Variants in ARFIP1 observed in about 807,000 individuals in gnomAD.
The protein encoded by ARFIP1 is ARF interacting protein 1.
Under a neutral mutation model 42.5 loss-of-function variants are expected in ARFIP1, and 24 were observed. The observed-to-expected ratio is 0.57, with a 90% CI of 0.41 to 0.80. The LOEUF (loss-of-function observed/expected upper bound fraction) is 0.80, where lower values mean the gene tolerates loss of function less well. Among genes scored for constraint, ARFIP1 ranks in the 30% least tolerant of loss-of-function variants. The pLI, the probability that ARFIP1 is intolerant of heterozygous loss-of-function variation, is 0.00. For synonymous variants in ARFIP1, 141 were observed against 153.7 expected (o/e 0.92, Z 0.61); for missense variants, 354 against 434.0 (o/e 0.82, Z 1.64).
chr4:152,885,724 C>T (rs1382834707), intron 7 of ARFIP1, among the ~76,000 whole-genome samples: 2 of 151,744 alleles, frequency 1.3e-5, no homozygotes, highest in East Asian at 3.9e-4. Context: ...GAAATGCGCT[C>T]CAAGGCTATT....
At chr4:152,784,476 T>G (rs1730678940) in intron 1 of ARFIP1, among the ~76,000 whole-genome samples, 2 of 152,262 alleles carry the variant, frequency 1.3e-5, no homozygotes. Flanking sequence ...TGCTCAAACC[T>G]TTAGTTGTTC....
chr4:152,800,035 A>G (rs1396719073), intron 1 of ARFIP1, among the ~76,000 whole-genome samples: 2 of 152,170 alleles, frequency 1.3e-5, no homozygotes, highest in African/African-American at 4.8e-5. Context: ...TTTTAGCTAT[A>G]CCCAAATATG....
At chr4:152,898,337 C>T (rs1379596339) in intron 8 of ARFIP1, among the ~76,000 whole-genome samples, 1 of 152,140 alleles carries the variant, frequency 6.6e-6, no homozygotes, top group Non-Finnish European at 1.5e-5. Flanking sequence ...TCAGCGTTTT[C>T]ATGTTGACCA....
intron 2 of ARFIP1, among the ~76,000 whole-genome samples, chr4:152,831,595 A>T (rs1311288856): frequency 6.6e-6 from 1 of 152,178 alleles, no homozygotes; most frequent in Admixed American, 6.5e-5. Flanking sequence ...AATACAACTC[A>T]TCCCATCCTG....
Position 152,830,913 on chromosome 4 carries a change from AAC to A in ARFIP1, c.93+1189_93+1190del, listed in dbSNP as rs1428093506. ...ACTGAATTTCATTTATTTTTGCATT[AAC>A]AGTCTTTTGAAAAGAACTAGTATGT... On this transcript the variant is annotated intron_variant, in intron 2 of 8. Coordinates refer to ENST00000353617, the MANE Select transcript of ARFIP1 (RefSeq NM_001025595.3). Among the ~76,000 whole-genome samples the A allele has an allele frequency of 1.2e-4, 18 of 152,302 alleles. No homozygotes were observed. In the East Asian group the frequency reaches 3.5e-3, roughly 29 times the overall value.
intron 8 of ARFIP1, among the ~76,000 whole-genome samples, chr4:152,901,846 G>A (rs761602970): frequency 2.0e-5 from 3 of 151,874 alleles, no homozygotes; most frequent in South Asian, 2.1e-4. Flanking sequence ...TATTTCTTTC[G>A]TCTGCTCCAA....
chr4:152,886,793 C>A (rs1405938357), intron 7 of ARFIP1, among the ~76,000 whole-genome samples: 2 of 151,874 alleles, frequency 1.3e-5, no homozygotes, highest in African/African-American at 2.4e-5. Context: ...GTGCCTGGAA[C>A]GTGGAAAGTG....
At chr4:152,786,762 G>C (rs1221764594) in intron 1 of ARFIP1, among the ~76,000 whole-genome samples, 1 of 152,140 alleles carries the variant, frequency 6.6e-6, no homozygotes. Context: ...CTTGTACCAT[G>C]TTCTGCATAA....
chr4:152,799,646 G>C (rs531787611), intron 1 of ARFIP1, among the ~76,000 whole-genome samples: 2 of 152,330 alleles, frequency 1.3e-5, no homozygotes, highest in South Asian at 4.1e-4. Context: ...TGTAGTTACA[G>C]GTAATCCTGA....
chr4:152,809,628 GAT>G (rs1467891292), intron 1 of ARFIP1: 1 of 152,168 alleles, frequency 6.6e-6, no homozygotes, highest in Admixed American at 6.5e-5. Context: ...ATCTTTATTA[GAT>G]ATGTGTCATG....
intron 7 of ARFIP1, among the ~76,000 whole-genome samples, chr4:152,886,012 G>A (rs990417017): frequency 6.6e-6 from 1 of 151,992 alleles, no homozygotes; most frequent in East Asian, 1.9e-4. Flanking sequence ...AGAGCCAAAA[G>A]GCAGAGAGGT....
chr4:152,854,576 A>G (rs1286958654), intron 2 of ARFIP1, among the ~76,000 whole-genome samples: 1 of 152,116 alleles, frequency 6.6e-6, no homozygotes, highest in African/African-American at 2.4e-5. Flanking sequence ...TATCTGGTGT[A>G]ATCGTTTCTC....
At chr4:152,838,212 C>T (rs1440858271) in intron 2 of ARFIP1, among the ~76,000 whole-genome samples, 1 of 152,100 alleles carries the variant, frequency 6.6e-6, no homozygotes, top group Non-Finnish European at 1.5e-5. Flanking sequence ...AATGTGATGC[C>T]TCCAGATGTG....
intron 1 of ARFIP1, chr4:152,810,212 T>C (rs1325939177): frequency 1.3e-5 from 2 of 152,184 alleles, no homozygotes; most frequent in Admixed American, 1.3e-4. Context: ...TGCCTAATAC[T>C]TTTCTAACTT....
chr4:152,858,184 C>G (rs1419774432), intron 2 of ARFIP1, among the ~76,000 whole-genome samples: 2 of 152,034 alleles, frequency 1.3e-5, no homozygotes, highest in Non-Finnish European at 2.9e-5. Flanking sequence ...CCCAGCTACT[C>G]GGGAGGCTGA....
intron 8 of ARFIP1, among the ~76,000 whole-genome samples, chr4:152,908,891 A>AGTTGTGT (rs1491251737): frequency 4.5e-5 from 6 of 132,464 alleles, no homozygotes; most frequent in Non-Finnish European, 8.0e-5. Flanking sequence ...GCTAGAGAGA[A>AGTTGTGT]GTGTGTGTGT....
In ARFIP1 at chr4:152,803,257, C is replaced by G. The variant is rs1728565148; in HGVS notation, c.-10+23031C>G. On this transcript the variant is annotated intron_variant, in intron 1 of 8. Transcript: ENST00000353617. ...GGTCCACCAAAGGACAGGAGGGAAG[C>G]TGTTCTCCCCCAGTGCAGTTGAAAT... Among the ~76,000 whole-genome samples the G allele has an allele frequency of 6.6e-5, 10 of 152,146 alleles. No homozygotes were observed. The South Asian group carries it at 2.1e-3, about 32-fold the overall frequency.
chr4:152,780,780 T>C (rs989578981), intron 1 of ARFIP1, among the ~76,000 whole-genome samples: 1 of 152,238 alleles, frequency 6.6e-6, no homozygotes, highest in African/African-American at 2.4e-5. Context: ...TTCTGCTCCG[T>C]TCCTGTTTGC....
chr4:152,847,924 C>T (rs1732694988), intron 2 of ARFIP1, among the ~76,000 whole-genome samples: 1 of 152,316 alleles, frequency 6.6e-6, no homozygotes, highest in Admixed American at 6.5e-5. Context: ...TACCTATGAA[C>T]ACTTTCTCTA....
Sources: gnomAD v4.1 joint callset for allele counts (sites outside exome capture counted in the v4.1 genomes callset) on GRCh38, gnomAD v4.1.1 for gene constraint, MANE v1.5 for transcripts, NCBI Gene and HGNC (gene_info 2026-07-23, HGNC 2026-07-21) for gene names.